Variants in FOXP1 observed in about 807,000 individuals in gnomAD.
The protein encoded by FOXP1 is forkhead box P1, also known as forkhead box protein P1.
A neutral mutation model predicts 98.2 loss-of-function variants in FOXP1; 15 were observed. That is an observed-to-expected ratio of 0.15 (90% CI 0.10 to 0.24). The LOEUF (loss-of-function observed/expected upper bound fraction) is 0.24, where lower values mean the gene tolerates loss of function less well. FOXP1 is among the 10% of genes least tolerant of loss of function. FOXP1 has a pLI of 1.00. For missense variants in FOXP1, 633 were observed against 848.5 expected, an observed-to-expected ratio of 0.75 and a Z score of 3.15; for synonymous variants, 371 against 314.5, an observed-to-expected ratio of 1.18 and a Z score of -1.90.
At chr3:71,535,668 A>C (rs2107568163) in intron 2 of FOXP1, among the ~76,000 whole-genome samples, 1 of 152,308 alleles carries the variant, frequency 6.6e-6, no homozygotes, top group Non-Finnish European at 1.5e-5. Context: ...AGGCTGCAGT[A>C]AGCTGCAGTC....
At chr3:71,032,404 C>T (rs375216887) in intron 11 of FOXP1, among the ~76,000 whole-genome samples, 2 of 152,338 alleles carry the variant, frequency 1.3e-5, no homozygotes, top group East Asian at 3.9e-4. Context: ...AATAGTTTCC[C>T]AAAGGAACGG....
chr3:71,503,748 G>GCCT (rs1241705814), intron 2 of FOXP1, among the ~76,000 whole-genome samples: 1 of 152,222 alleles, frequency 6.6e-6, no homozygotes, highest in East Asian at 1.9e-4. Flanking sequence ...CCTGTATGGA[G>GCCT]CCTCATCCAT....
chr3:71,571,297 A>C (rs918498672), intron 2 of FOXP1: 2 of 152,230 alleles, frequency 1.3e-5, no homozygotes, highest in Non-Finnish European at 2.9e-5. Flanking sequence ...ACTCAATTAA[A>C]AAAAATTAAA....
intron 4 of FOXP1, chr3:71,333,855 AAG>A (rs1186836579): frequency 6.6e-6 from 1 of 152,154 alleles, no homozygotes; most frequent in African/African-American, 2.4e-5. Flanking sequence ...ATAAACAAAA[AAG>A]AATTACATAA....
intron 11 of FOXP1, among the ~76,000 whole-genome samples, chr3:71,030,814 T>C (rs1559764557): frequency 6.6e-6 from 1 of 152,236 alleles, no homozygotes; most frequent in Admixed American, 6.5e-5. Context: ...TTTTTTCTAA[T>C]TAAAGTAAAC....
chr3:71,540,579 T>C (rs1474526001), intron 2 of FOXP1, among the ~76,000 whole-genome samples: 1 of 152,234 alleles, frequency 6.6e-6, no homozygotes, highest in East Asian at 1.9e-4. Flanking sequence ...AAGTGTCTCA[T>C]GTACATAATC....
At chr3:71,482,525 C>G (rs896139402) in intron 3 of FOXP1, among the ~76,000 whole-genome samples, 1 of 151,776 alleles carries the variant, frequency 6.6e-6, no homozygotes, top group Non-Finnish European at 1.5e-5. Flanking sequence ...CTGGGATTAC[C>G]AAGTAACTGG....
chr3:71,424,707 T>C (rs1484946039), intron 3 of FOXP1, among the ~76,000 whole-genome samples: 1 of 152,234 alleles, frequency 6.6e-6, no homozygotes, highest in African/African-American at 2.4e-5. Flanking sequence ...CAAAACAAGG[T>C]TGGTGTCACT....
At chr3:71,003,189 G>A (rs181737307) in intron 12 of FOXP1, among the ~76,000 whole-genome samples, 60 of 152,216 alleles carry the variant, frequency 3.9e-4, no homozygotes, top group Non-Finnish European at 6.3e-4. Context: ...AGATCCAAAC[G>A]GACAAAAAGC....
chr3:71,203,938 G>GAGGAAGGGAGGA (rs1553778596), intron 5 of FOXP1, among the ~76,000 whole-genome samples: 1 of 131,352 alleles, frequency 7.6e-6, no homozygotes, highest in Non-Finnish European at 1.6e-5. Context: ...GAAAAGGAAG[G>GAGGAAGGGAGGA]AGGAAGGAAG....
At chr3:71,197,644 C>T (rs2108375667) in intron 6 of FOXP1, among the ~76,000 whole-genome samples, 1 of 152,280 alleles carries the variant, frequency 6.6e-6, no homozygotes, top group East Asian at 1.9e-4. Context: ...TATGTAAATA[C>T]TCTATACCCC....
chr3:71,207,184 A>G (rs1480831215), intron 5 of FOXP1, among the ~76,000 whole-genome samples: 1 of 152,216 alleles, frequency 6.6e-6, no homozygotes, highest in East Asian at 1.9e-4. Context: ...TGAACATTCA[A>G]ACAGCTGAAT....
At chr3:71,499,380 T>C (rs1278207719) in intron 2 of FOXP1, among the ~76,000 whole-genome samples, 1 of 152,258 alleles carries the variant, frequency 6.6e-6, no homozygotes, top group Non-Finnish European at 1.5e-5. Flanking sequence ...GGTTTGAGAA[T>C]GCTAAATGGC....
intron 3 of FOXP1, among the ~76,000 whole-genome samples, chr3:71,490,911 A>G (rs1334947062): frequency 2.0e-5 from 3 of 152,242 alleles, no homozygotes; most frequent in South Asian, 4.1e-4. Context: ...TGTTATTTCA[A>G]TACCTTCAGA....
At chr3:71,175,837 C>A (rs1283170590) in intron 6 of FOXP1, among the ~76,000 whole-genome samples, 1 of 152,198 alleles carries the variant, frequency 6.6e-6, no homozygotes, top group Non-Finnish European at 1.5e-5. Context: ...TTTTATTTAT[C>A]GTGCTAAGCA....
At chr3:71,002,743 T>G (rs959122256) in intron 12 of FOXP1, among the ~76,000 whole-genome samples, 5 of 152,142 alleles carry the variant, frequency 3.3e-5, no homozygotes, top group Non-Finnish European at 7.4e-5. Flanking sequence ...GTTAGTTCAA[T>G]TCCTCATTTT....
chr3:70,956,489 GTT>G lies in FOXP1; in HGVS notation c.*2756_*2757del. ...ACGACTAAGTGCAACTGAGTGAAATGTTTTTTTTTTAAATTTTAATCATTCCC... is the reference window on the plus strand; with the variant it reads ...ACGACTAAGTGCAACTGAGTGAAATGTTTTTTTTAAATTTTAATCATTCCC... On this transcript the variant is annotated 3_prime_UTR_variant, in exon 21 of 21. Coordinates refer to ENST00000649528, the MANE Select transcript of FOXP1 (RefSeq NM_001349338.3). 1 of 208,880 alleles carries G rather than the reference GTT, an allele frequency of 4.8e-6. No individual in the cohort carries two copies. The highest frequency in any genetic ancestry group is 9.5e-6 in the Non-Finnish European group (1 of 105,542). The allele number at this position is 208,880 out of a possible 1,614,324, so 12.9% of individuals were successfully genotyped here.
At chr3:71,007,918 C>T (rs1259499608) in intron 12 of FOXP1, among the ~76,000 whole-genome samples, 3 of 152,136 alleles carry the variant, frequency 2.0e-5, no homozygotes, top group African/African-American at 7.2e-5. Flanking sequence ...TCCATTACAG[C>T]ACATATACAG....
intron 3 of FOXP1, among the ~76,000 whole-genome samples, chr3:71,459,578 C>T (rs2087821941): frequency 6.6e-6 from 1 of 152,202 alleles, no homozygotes; most frequent in African/African-American, 2.4e-5. Flanking sequence ...CAATCTCCCT[C>T]TTCGTCTTGT....
Sources: gnomAD v4.1 joint callset for allele counts (sites outside exome capture counted in the v4.1 genomes callset) on GRCh38, gnomAD v4.1.1 for gene constraint, MANE v1.5 for transcripts, NCBI Gene and HGNC (gene_info 2026-07-23, HGNC 2026-07-21) for gene names.